TP53BP1: variants seen among roughly 807,000 people sequenced by gnomAD.
TP53BP1 encodes TP53-binding protein 1.
A neutral mutation model predicts 200.8 loss-of-function variants in TP53BP1; 61 were observed. The observed-to-expected ratio is 0.30, with a 90% CI of 0.25 to 0.38. The LOEUF (loss-of-function observed/expected upper bound fraction) is 0.38, where lower values mean the gene tolerates loss of function less well. TP53BP1 is among the 10% of genes least tolerant of loss of function. The pLI, the probability that TP53BP1 is intolerant of heterozygous loss-of-function variation, is 1.00. For missense variants in TP53BP1, 2,144 were observed against 2,371.9 expected, an observed-to-expected ratio of 0.90 and a Z score of 2.00; for synonymous variants, 822 against 844.3, an observed-to-expected ratio of 0.97 and a Z score of 0.46.
At chr15:43,407,906 C>T (rs1009757769) in intron 27 of TP53BP1, 37 bp downstream of exon 27, 20 of 1,591,692 alleles carry the variant, frequency 1.3e-5, no homozygotes, top group African/African-American at 2.7e-5. Flanking sequence ...TAAGGAGATC[C>T]CTGGAACAAA....
intron 4 of TP53BP1, among the ~76,000 whole-genome samples, chr15:43,489,784 A>G (rs2079095008): frequency 6.6e-6 from 1 of 152,268 alleles, no homozygotes; most frequent in South Asian, 2.1e-4. Context: ...TAGGCCAAAT[A>G]AAACACTTCT....
chr15:43,436,650 T>C (rs1046105886), intron 16 of TP53BP1, among the ~76,000 whole-genome samples: 8 of 151,346 alleles, frequency 5.3e-5, no homozygotes, highest in East Asian at 1.9e-4. Flanking sequence ...TTTTTTTTTT[T>C]CTTTTTTTTC....
intron 9 of TP53BP1, 69 bp downstream of exon 9, chr15:43,475,494 CCT>C: frequency 4.5e-6 from 7 of 1,553,098 alleles, no homozygotes; most frequent in Non-Finnish European, 5.3e-6. Context: ...ATAAGTTTAG[CCT>C]CTTTCAGCCT....
At chr15:43,458,994 T>C (rs922233626) in intron 11 of TP53BP1, among the ~76,000 whole-genome samples, 3 of 152,108 alleles carry the variant, frequency 2.0e-5, no homozygotes, top group African/African-American at 7.2e-5. Flanking sequence ...TAAAAATATG[T>C]GCCCACAGAA....
At chr15:43,481,152 T>A (rs372089258) in intron 4 of TP53BP1, 130 bp from the exon 5 acceptor site, 1 of 935,324 alleles carries the variant, frequency 1.1e-6, no homozygotes, top group Non-Finnish European at 1.6e-6. Context: ...CTCACCTTTA[T>A]AGTGCTTCTT....
intron 1 of TP53BP1, among the ~76,000 whole-genome samples, chr15:43,501,469 C>T (rs945713825): frequency 6.6e-6 from 1 of 152,212 alleles, no homozygotes; most frequent in Non-Finnish European, 1.5e-5. Flanking sequence ...CCACCTCGAC[C>T]TCCCAAAATG....
intron 21 of TP53BP1, among the ~76,000 whole-genome samples, chr15:43,418,327 A>G (rs2584694): frequency 0.32 from 47,957 of 150,804 alleles, 11,159 homozygotes; most frequent in African/African-American, 0.66. Flanking sequence ...GCGAAACCCC[A>G]TCTCTACGAA....
chr15:43,450,869 C>CATT (rs897601346), intron 12 of TP53BP1, among the ~76,000 whole-genome samples: 2 of 152,074 alleles, frequency 1.3e-5, no homozygotes, highest in Admixed American at 6.6e-5. Context: ...ATTAAGCATG[C>CATT]ATTATTTATT....
rs368611882 is a variant in TP53BP1, at chr15:43,425,793, G to A, written c.3828+2223C>T. 5.3e-5 allele frequency among the ~76,000 whole-genome samples: 8 copies of A among 152,098 alleles called. No individual in the cohort carries two copies. In the South Asian group the frequency reaches 1.0e-3, roughly 20 times the overall value. ...AGTAATAACATGAAAAAAGTTCCACGAACAAAAATCTTTTTAAAACATTTT... is the reference window on the plus strand; with the variant it reads ...AGTAATAACATGAAAAAAGTTCCACAAACAAAAATCTTTTTAAAACATTTT... On this transcript the variant is annotated intron_variant, in intron 18 of 27. Transcript: ENST00000382044.
chr15:43,421,726 A>G, intron 19 of TP53BP1, 129 bp downstream of exon 19: 6 of 1,290,492 alleles, frequency 4.6e-6, no homozygotes, highest in Middle Eastern at 2.8e-4. Flanking sequence ...CAAATAGTGA[A>G]GAGGGGTAGT....
At chr15:43,461,999 T>C (rs1035806362) in intron 11 of TP53BP1, among the ~76,000 whole-genome samples, 2 of 151,486 alleles carry the variant, frequency 1.3e-5, no homozygotes, top group Non-Finnish European at 2.9e-5. Context: ...TTATAATATA[T>C]AATCTTCATG....
rs528559014 is a variant in TP53BP1 at position 43,485,943 on chromosome 15, TTTAG to T, written c.372-4925_372-4922del. On this transcript the variant is annotated intron_variant, in intron 4 of 27. Coordinates refer to ENST00000382044, the MANE Select transcript of TP53BP1 (RefSeq NM_001141980.3). ...TCAGATTACAGACAAAAAACAGTACTTTAGTTAAACTTTTCTCCACTGTCTAAAG... is the reference window on the plus strand; with the variant it reads ...TCAGATTACAGACAAAAAACAGTACTTTAAACTTTTCTCCACTGTCTAAAG... 1.3e-3 allele frequency among the ~76,000 whole-genome samples: 191 copies of T among 152,314 alleles called. 1 individual carries two copies. The highest frequency in any genetic ancestry group is 4.4e-3 in the African/African-American group (182 of 41,574).
rs2044816355 is a variant in TP53BP1, at chr15:43,404,957, A to C, written c.*2426T>G. 1.8e-6 allele frequency: 1 copy of C among 541,576 alleles called. No homozygotes were observed. Among genetic ancestry groups the C allele is most frequent in the Non-Finnish European group, 3.2e-6 (1 of 307,996 alleles). The allele number at this position is 541,576 out of a possible 1,614,324, so 33.5% of individuals were successfully genotyped here. Reference sequence around the variant, plus strand: ...TAAACTTTAAAAAAAACTGATACCGAGATTCAGTGGTAGCTGGCTTCCCAG... The same window carrying C: ...TAAACTTTAAAAAAAACTGATACCGCGATTCAGTGGTAGCTGGCTTCCCAG... On this transcript the variant is annotated 3_prime_UTR_variant, in exon 28 of 28. Coordinates refer to ENST00000382044, the MANE Select transcript of TP53BP1 (RefSeq NM_001141980.3).
At chr15:43,470,117 C>T (rs2046690177) in intron 10 of TP53BP1, 51 bp from the exon 11 acceptor site, 9 of 1,449,718 alleles carry the variant, frequency 6.2e-6, no homozygotes, top group Non-Finnish European at 8.7e-6. Context: ...ATCAATATTA[C>T]TCATGTTCCA....
At position 43,477,606 on chromosome 15, in the gene TP53BP1, C is replaced by T. The variant is rs1395143914; in HGVS notation, c.942G>A (p.Gln314=). 24 of 1,609,926 alleles carry T rather than the reference C, an allele frequency of 1.5e-5. No homozygotes were observed. Among genetic ancestry groups the T allele is most frequent in the Non-Finnish European group, 2.0e-5 (24 of 1,178,804 alleles). The change falls in exon 8 of 28, where the codon CAG becomes CAA. Residue 314 remains glutamine, a synonymous_variant. Transcript: ENST00000382044. ...CACTCTTGGTACCTGTTTTATTGCTCTGGTCAAACAAGTCTTCCTGAGTTG... is the reference window on the plus strand; with the variant it reads ...CACTCTTGGTACCTGTTTTATTGCTTTGGTCAAACAAGTCTTCCTGAGTTG... ...VLSTQEDLFD[Q]SNKTVSSDGC... is the part of the protein sequence containing the mutation.
At chr15:43,495,104 A>C (rs1174481234), upstream of TP53BP1, among the ~76,000 whole-genome samples, 1 of 151,952 alleles carries the variant, frequency 6.6e-6, no homozygotes, top group Non-Finnish European at 1.5e-5. Context: ...AGGTGAGAGC[A>C]TCTCCTGAAC....
intron 12 of TP53BP1, among the ~76,000 whole-genome samples, chr15:43,448,383 C>A (rs981151333): frequency 3.9e-5 from 6 of 152,026 alleles, no homozygotes; most frequent in Non-Finnish European, 8.8e-5. Flanking sequence ...ATGAAAATTT[C>A]TTCTTACTTT....
chr15:43,450,796 CCT>C (rs1264266234), intron 12 of TP53BP1, among the ~76,000 whole-genome samples: 2 of 152,090 alleles, frequency 1.3e-5, no homozygotes, highest in African/African-American at 2.4e-5. Flanking sequence ...CTTCCAACTC[CCT>C]CTCTCCCCAC....
In TP53BP1 at chr15:43,415,759, C is replaced by A. The variant is rs1172562567; in HGVS notation, c.4924G>T (p.Ala1642Ser). The change falls in exon 23 of 28, where the codon GCC becomes TCC. Residue 1642 changes from alanine (A) to serine (S), a missense_variant. By Grantham distance (99) the Ala-to-Ser change is moderately conservative. This residue lies in a region of TP53BP1 where 334 missense variants were observed against 453.4 expected (regional missense o/e 0.74). Coordinates refer to ENST00000382044, the MANE Select transcript of TP53BP1 (RefSeq NM_001141980.3). ...RKRRSNVSSP[A>S]TPTASSSSST... The stretch of plus-strand genomic sequence containing the variant: ...CTGCTACTGGAGGCAGTAGGGGTGG[C>A]TGGGGAGCTGACGTTACTGCGCCGT... 1 of 1,614,028 alleles carries A rather than the reference C, an allele frequency of 6.2e-7. No homozygotes were observed. The highest frequency in any genetic ancestry group is 8.5e-7 in the Non-Finnish European group (1 of 1,180,032).
Sources: gnomAD v4.1 joint callset for allele counts (sites outside exome capture counted in the v4.1 genomes callset) on GRCh38, gnomAD v4.1.1 for gene constraint, gnomAD v4.1.1 regional missense constraint, MANE v1.5 for transcripts, NCBI Gene and HGNC (gene_info 2026-07-23, HGNC 2026-07-21) for gene names.